MYH6: variants seen among roughly 807,000 people sequenced by gnomAD.
MYH6 encodes the protein myosin-6.
MYH6 carries 126 observed loss-of-function variants against 223.2 expected under a neutral mutation model. The observed-to-expected ratio is 0.56, with a 90% CI of 0.49 to 0.65. The LOEUF (loss-of-function observed/expected upper bound fraction) is 0.65. MYH6 is among the 30% of genes least tolerant of loss of function. The pLI is 0.00. For missense variants in MYH6, 2,040 were observed against 2,536.4 expected (o/e 0.80, Z 4.20); for synonymous variants, 978 against 1,010.2 (o/e 0.97, Z 0.61).
At chr14:23,397,635 A>G in intron 15 of MYH6, 22 bp from the exon 16 acceptor site, 1 of 1,612,990 alleles carries the variant, frequency 6.2e-7, no homozygotes, top group Non-Finnish European at 8.5e-7. Flanking sequence ...GAGGAGAAAT[A>G]ATCAACAGGA....
chr14:23,393,750 C>G lies in MYH6; in HGVS notation c.2844G>C (p.Glu948Asp). The change falls in exon 22 of 39, where the codon GAG (glutamate) becomes GAC (aspartate). Residue 948 changes from glutamate (E) to aspartate (D), a missense_variant. Physicochemically the swap from Glu to Asp is conservative, Grantham distance 45 (BLOSUM62 2). Around this residue, in one of 4 missense-constraint regions of MYH6, gnomAD observed 1,203 missense variants for 1,400.2 expected, o/e 0.86. Coordinates refer to ENST00000405093, the MANE Select transcript of MYH6 (RefSeq NM_002471.4). The part of the protein sequence containing the change: ...LTAKKRKLED[E>D]CSELKKDIDD... ...CAATGTCCTTCTTGAGCTCTGAGCA[C>G]TCGTCTTCCAGCTTGCGCTTCTTGG... 6.2e-7 allele frequency: 1 copy of G among 1,614,242 alleles called. No individual in the cohort carries two copies. The highest frequency in any genetic ancestry group is 8.5e-7 in the Non-Finnish European group (1 of 1,180,040).
intron 25 of MYH6, among the ~76,000 whole-genome samples, chr14:23,392,007 C>T (rs975204185): frequency 2.0e-5 from 3 of 152,222 alleles, no homozygotes; most frequent in African/African-American, 7.2e-5. Context: ...CCCTCTGGTC[C>T]TGTGTGGTAG....
At position 23,383,252 on chromosome 14, in the gene MYH6, C is replaced by T; in HGVS notation, c.5634G>A (p.Lys1878=). The T allele has an allele frequency of 1.3e-6, 2 of 1,535,220 alleles. No homozygotes were observed. The highest frequency in any genetic ancestry group is 2.2e-5 in the South Asian group (2 of 89,946). The change falls in exon 37 of 39, where the codon AAG becomes AAA. Residue 1878 remains lysine (K), a synonymous_variant. Coordinates refer to ENST00000405093, the MANE Select transcript of MYH6 (RefSeq NM_002471.4). ...CCTCCTCGGCCTGGCGCTTGTAGGC[C>T]TTGACCTTCAGTTGCAGCTTGTCCA... The part of the protein sequence containing the change: ...DLVDKLQLKV[K]AYKRQAEEAE...
chr14:23,393,877 C>A lies in MYH6; in HGVS notation c.2717G>T (p.Arg906Leu), dbSNP rs527636904. 10 of 1,614,054 alleles carry A rather than the reference C, an allele frequency of 6.2e-6. No homozygotes were observed. Among genetic ancestry groups the A allele is most frequent in the Middle Eastern group, 1.6e-4 (1 of 6,084 alleles). The change falls in exon 22 of 39, where the codon CGC becomes CTC. Residue 906 changes from arginine to leucine, a missense_variant. Coordinates refer to ENST00000405093, the MANE Select transcript of MYH6 (RefSeq NM_002471.4). ...CTTGTTTTTGATCAGCTGGTCGCAG[C>A]GCTCCTCAGCATCATTGAGGTTGTC... is the stretch of plus-strand genomic sequence containing the variant. Reference protein sequence around the residue: ...EQDNLNDAEERCDQLIKNKIQ... With the variant: ...EQDNLNDAEELCDQLIKNKIQ...
chr14:23,391,519 C>T (rs901343435), intron 25 of MYH6, among the ~76,000 whole-genome samples: 6 of 152,200 alleles, frequency 3.9e-5, no homozygotes, highest in East Asian at 1.9e-4. Context: ...CTAATGAAGG[C>T]GGGCCAGTCC....
chr14:23,387,342 A>T (rs1369977220), intron 32 of MYH6, among the ~76,000 whole-genome samples, 187 bp downstream of exon 32: 1 of 152,220 alleles, frequency 6.6e-6, no homozygotes, highest in East Asian at 1.9e-4. Flanking sequence ...AATCAGACTG[A>T]CATTTTCCTT....
At position 23,400,760 on chromosome 14, in the gene MYH6, T is replaced by C. The variant is rs777175523; in HGVS notation, c.1359A>G (p.Pro453=). The change falls in exon 13 of 39, where the codon CCA becomes CCG. Residue 453 remains proline (P), a synonymous_variant. Transcript: ENST00000405093. ...CCAGGACTCCTATGAAGTACTGGCG[T>C]GGCTGCTTGGTCTCCAGGGTGGCGT... is the stretch of plus-strand genomic sequence containing the variant. ...RINATLETKQ[P]RQYFIGVLDI... 1.2e-6 allele frequency: 2 copies of C among 1,614,242 alleles called. No homozygotes were observed. Among genetic ancestry groups the C allele is most frequent in the African/African-American group, 1.3e-5 (1 of 75,070 alleles).
At chr14:23,406,988 C>T in intron 3 of MYH6, 35 bp downstream of exon 3, 1 of 1,607,572 alleles carries the variant, frequency 6.2e-7, no homozygotes, top group South Asian at 1.1e-5. Context: ...TCCCAGACCT[C>T]CTTCCCTTCT....
Position 23,404,755 on chromosome 14 carries a change from C to G in MYH6, c.598G>C (p.Ala200Pro). ...RVIQYFASIA[A>P]IGDRGKKDNA... ...TCCTTCTTGCCACGGTCACCTATGG[C>G]TGCAATGCTGGCAAAGTACTGGATG... Residue 200 changes from alanine to proline, a missense_variant, in exon 7 of 39, where the codon GCC becomes CCC. Transcript: ENST00000405093. 6.2e-7 allele frequency: 1 copy of G among 1,614,222 alleles called. No individual in the cohort carries two copies. Among genetic ancestry groups the G allele is most frequent in the Non-Finnish European group, 8.5e-7 (1 of 1,180,032 alleles).
At chr14:23,391,555 T>C (rs1191546414) in intron 25 of MYH6, among the ~76,000 whole-genome samples, 1 of 152,130 alleles carries the variant, frequency 6.6e-6, no homozygotes, top group Non-Finnish European at 1.5e-5. Context: ...GGAGTGGAAT[T>C]GTGTTCATAC....
rs963818743 is a variant in MYH6 at position 23,385,169 on chromosome 14, T to C, written c.5164-128A>G. 6 of 1,131,830 alleles carry C rather than the reference T, an allele frequency of 5.3e-6. No individual in the cohort carries two copies. In the Admixed American group the frequency reaches 5.8e-5, roughly 11 times the overall value. 70.1% of individuals were successfully genotyped at this position (1,131,830 alleles called of 1,614,324 possible). On this transcript the variant is annotated intron_variant, in intron 34 of 38. Coordinates refer to ENST00000405093, the MANE Select transcript of MYH6 (RefSeq NM_002471.4). Reference sequence around the variant, plus strand: ...AAACAACAAGCCCACTTTTAGACTATTGATCGTTTTGTACCTGCTTTCCCT... The same window carrying C: ...AAACAACAAGCCCACTTTTAGACTACTGATCGTTTTGTACCTGCTTTCCCT...
intron 3 of MYH6, among the ~76,000 whole-genome samples, chr14:23,406,461 TCA>T (rs1891791290): frequency 2.0e-5 from 3 of 152,152 alleles, no homozygotes; most frequent in Non-Finnish European, 4.4e-5. Flanking sequence ...GTTGTAACAT[TCA>T]GTCAACGAGT....
intron 36 of MYH6, among the ~76,000 whole-genome samples, chr14:23,384,201 A>AAG (rs891968825): frequency 6.6e-6 from 1 of 151,862 alleles, no homozygotes; most frequent in African/African-American, 2.4e-5. Context: ...AAAAAAAAAA[A>AAG]AAAGAAAGAA....
Position 23,393,516 on chromosome 14 carries a change from C to G in MYH6, c.2931G>C (p.Val977=). 1 of 1,614,074 alleles carries G rather than the reference C, an allele frequency of 6.2e-7. No individual in the cohort carries two copies. Among genetic ancestry groups the G allele is most frequent in the South Asian group, 1.1e-5 (1 of 91,064 alleles). The part of the protein sequence containing the change: ...EKEKHATENK[V]KNLTEEMAGL... ...CAGCCATCTCCTCTGTTAGGTTCTT[C>G]ACCTGCCGACCAAAAACCCATCCCC... Residue 977 remains valine, a splice_region_variant and synonymous_variant, in exon 23 of 39, where the codon GTG becomes GTC. Transcript: ENST00000405093.
In MYH6 at chr14:23,389,480, CT is replaced by C. The variant is rs1891159129; in HGVS notation, c.3890del (p.Glu1297GlyfsTer3). 1 of 1,614,208 alleles carries C rather than the reference CT, an allele frequency of 6.2e-7. No individual in the cohort carries two copies. The highest frequency in any genetic ancestry group is 8.5e-7 in the Non-Finnish European group (1 of 1,180,038). On this transcript the variant is annotated frameshift_variant, in exon 28 of 39. Coordinates refer to ENST00000405093, the MANE Select transcript of MYH6 (RefSeq NM_002471.4). LOFTEE classifies it high-confidence loss of function. ...GELARQLEEK[E>X]ALISQLTRGK... ...CCCGGGTCAGCTGCGAGATTAGCGC[CT>C]CCTTTTCCTCTAGCTGCCGGGCCAA...
At position 23,383,339 on chromosome 14, in the gene MYH6, G is replaced by GGGGGGGCCCCCCCC; in HGVS notation, c.5566-20_5566-19insGGGGGGGGCCCCCC. 3.7e-5 allele frequency: 4 copies of GGGGGGGCCCCCCCC among 108,138 alleles called. No individual in the cohort carries two copies. The highest frequency in any genetic ancestry group is 5.5e-5 in the Non-Finnish European group (3 of 54,344). 6.7% of individuals were successfully genotyped at this position (108,138 alleles called of 1,614,324 possible). A position where few individuals can be genotyped will look rare whatever the true frequency, so the allele number is the denominator to read the frequency against. ...CCTCTGTCTGGGGGTGGGAGGGTGGGAGAAGCTGGTTTGGAGGGGGAGCAA... is the reference window on the plus strand; with the variant it reads ...CCTCTGTCTGGGGGTGGGAGGGTGGGGGGGGGCCCCCCCCAGAAGCTGGTTTGGAGGGGGAGCAA... On this transcript the variant is annotated intron_variant, in intron 36 of 38. Transcript: ENST00000405093.
Position 23,394,178 on chromosome 14 carries a change from C to G in MYH6, c.2575G>C (p.Gly859Arg). ...KEMATMKEEF[G>R]RIKETLEKSE... Reference sequence around the variant, plus strand: ...TTCTCCAGCGTCTCTTTGATGCGCCCGAACTCTTCCTTCATGGTGGCCATC... The same window carrying G: ...TTCTCCAGCGTCTCTTTGATGCGCCGGAACTCTTCCTTCATGGTGGCCATC... Residue 859 changes from glycine to arginine, a missense_variant, in exon 21 of 39, where the codon GGG becomes CGG. Coordinates refer to ENST00000405093, the MANE Select transcript of MYH6 (RefSeq NM_002471.4). The G allele has an allele frequency of 1.2e-6, 2 of 1,614,212 alleles. No individual in the cohort carries two copies. The highest frequency in any genetic ancestry group is 1.7e-6 in the Non-Finnish European group (2 of 1,180,034).
Position 23,400,284 on chromosome 14 carries a change from A to G in MYH6, c.1553T>C (p.Leu518Pro), listed in dbSNP as rs1457884910. The G allele has an allele frequency of 8.1e-6, 13 of 1,614,260 alleles. No homozygotes were observed. Among genetic ancestry groups the G allele is most frequent in the Non-Finnish European group, 9.3e-6 (11 of 1,180,052 alleles). The stretch of plus-strand genomic sequence containing the variant: ...CTCGATGAGGTCAATGCAGGCCTGC[A>G]GGTCCATGCCAAAGTCAATGAATGT... ...EWTFIDFGMD[L>P]QACIDLIEKP... The change falls in exon 14 of 39, where the codon CTG becomes CCG. Residue 518 changes from leucine to proline, a missense_variant. By Grantham distance (98) the Leu-to-Pro change is moderately conservative. This residue lies in a region of MYH6 where 649 missense variants were observed against 877.3 expected (regional missense o/e 0.74). Transcript: ENST00000405093.
Position 23,384,547 on chromosome 14 carries a change from C to T in MYH6, c.5460G>A (p.Arg1820=). 6.2e-7 allele frequency: 1 copy of T among 1,613,500 alleles called. No individual in the cohort carries two copies. The highest frequency in any genetic ancestry group is 1.1e-5 in the South Asian group (1 of 91,046). ...GKKQLQKLEA[R]VRELEGELEA... ...CCAGCTCACCCTCCAGCTCCCGCAC[C>T]CGCGCTTCCAGCTTCTGCAGCTGCT... The change falls in exon 36 of 39, where the codon CGG becomes CGA. Residue 1820 remains arginine, a synonymous_variant. Coordinates refer to ENST00000405093, the MANE Select transcript of MYH6 (RefSeq NM_002471.4).
Sources: gnomAD v4.1 joint callset for allele counts (sites outside exome capture counted in the v4.1 genomes callset) on GRCh38, gnomAD v4.1.1 for gene constraint, gnomAD v4.1.1 regional missense constraint, MANE v1.5 for transcripts, NCBI Gene and HGNC (gene_info 2026-07-23, HGNC 2026-07-21) for gene names.